The following CCDC30 variants were observed in gnomAD, a reference collection of about 807,000 sequenced individuals.
CCDC30 encodes the protein coiled-coil domain containing 30, also known as coiled-coil domain-containing protein 30.
CCDC30 carries 70 observed loss-of-function variants against 100.2 expected under a neutral mutation model. The ratio of observed to expected loss-of-function variants is 0.70; its 90% CI spans 0.58 to 0.85. CCDC30 has a LOEUF of 0.85. CCDC30 is among the 40% of genes least tolerant of loss of function. The pLI is 0.00. For synonymous variants in CCDC30, 233 were observed against 269.5 expected, an observed-to-expected ratio of 0.86 and a Z score of 1.33; for missense variants, 652 against 771.2, an observed-to-expected ratio of 0.85 and a Z score of 1.83.
chr1:42,464,645 G>A (rs993511683), intron 1 of CCDC30, among the ~76,000 whole-genome samples: 3 of 152,216 alleles, frequency 2.0e-5, no homozygotes, highest in Non-Finnish European at 2.9e-5. Context: ...TATGGCATAA[G>A]ATTAATTTAG....
At chr1:42,573,072 T>C (rs1462832311) in intron 7 of CCDC30, among the ~76,000 whole-genome samples, 1 of 152,242 alleles carries the variant, frequency 6.6e-6, no homozygotes, top group African/African-American at 2.4e-5. Flanking sequence ...TTCTGGGATA[T>C]CTGGGCTATT....
At chr1:42,539,268 A>T (rs769464479) in intron 6 of CCDC30, 25 of 1,608,312 alleles carry the variant, frequency 1.6e-5, no homozygotes, top group Non-Finnish European at 2.0e-5. Flanking sequence ...TTTTAATAGC[A>T]TGTGACCTGT....
intron 6 of CCDC30, among the ~76,000 whole-genome samples, chr1:42,513,335 G>A (rs1226484730): frequency 2.0e-5 from 3 of 152,164 alleles, no homozygotes; most frequent in East Asian, 3.8e-4. Context: ...TTTATGTAGG[G>A]CCAACAGATT....
At chr1:42,593,284 A>C (rs1056475852) in intron 10 of CCDC30, 1 of 152,188 alleles carries the variant, frequency 6.6e-6, no homozygotes, top group Non-Finnish European at 1.5e-5. Flanking sequence ...AATTCAGGAA[A>C]ACAGTTTGCT....
At chr1:42,537,532 G>T in intron 6 of CCDC30, 1 of 335,802 alleles carries the variant, frequency 3.0e-6, no homozygotes, top group Non-Finnish European at 5.8e-6. Flanking sequence ...AAGGCTTTGG[G>T]AAAATACCAA....
intron 10 of CCDC30, among the ~76,000 whole-genome samples, chr1:42,607,555 TAAAA>T (rs60204912): frequency 3.3e-5 from 3 of 89,788 alleles, no homozygotes; most frequent in South Asian, 2.9e-4. Flanking sequence ...CTTGTCTCTA[TAAAA>T]AAAAAAAAAA....
chr1:42,516,466 C>G (rs2148497324), intron 6 of CCDC30, among the ~76,000 whole-genome samples: 1 of 150,342 alleles, frequency 6.7e-6, no homozygotes, highest in African/African-American at 2.4e-5. Flanking sequence ...CCTCGGGAGG[C>G]TGAGGCAAGA....
chr1:42,566,841 C>T (rs1570088530), intron 7 of CCDC30, among the ~76,000 whole-genome samples: 1 of 152,102 alleles, frequency 6.6e-6, no homozygotes, highest in South Asian at 2.1e-4. Context: ...TCAACTGCAC[C>T]AAGGTACAAT....
chr1:42,481,357 C>T (rs1643954409), intron 2 of CCDC30, among the ~76,000 whole-genome samples: 1 of 151,964 alleles, frequency 6.6e-6, no homozygotes, highest in Non-Finnish European at 1.5e-5. Context: ...AGACAGATCG[C>T]CTGAGGTCAG....
At chr1:42,570,323 C>T (rs1570101867) in intron 7 of CCDC30, among the ~76,000 whole-genome samples, 3 of 148,904 alleles carry the variant, frequency 2.0e-5, no homozygotes, top group Non-Finnish European at 4.5e-5. Context: ...GAGGCCCTGT[C>T]TCAAAAAAAA....
intron 6 of CCDC30, among the ~76,000 whole-genome samples, chr1:42,510,611 C>A (rs570054187): frequency 2.0e-5 from 3 of 150,976 alleles, no homozygotes; most frequent in African/African-American, 7.3e-5. Flanking sequence ...GAGGTGAGAT[C>A]GCGCCACTGC....
At chr1:42,568,899 G>A (rs1377746965) in intron 7 of CCDC30, 1 of 150,720 alleles carries the variant, frequency 6.6e-6, no homozygotes, top group East Asian at 1.9e-4. Context: ...GCCATGATCG[G>A]GCCACTGCAA....
At chr1:42,457,160 ATC>A in the CCDC30 span, 6 of 1,597,330 alleles carry the variant, frequency 3.8e-6, no homozygotes, top group Non-Finnish European at 5.1e-6. Flanking sequence ...TTACCCACGG[ATC>A]TCAGCTGGGG....
Position 42,556,231 on chromosome 1 carries a change from G to T in CCDC30, c.457-10065G>T, listed in dbSNP as rs1286327244. The T allele has an allele frequency of 4.3e-6, 7 of 1,613,988 alleles. 1 individual carries two copies. Among genetic ancestry groups the T allele is most frequent in the South Asian group, 2.2e-5 (2 of 91,082 alleles). Reference sequence around the variant, plus strand: ...AGGAGGGCAGTTTTCCAAGAGAGGGGCAGAAGGAGGAGGGCTCACAACAGA... The same window carrying T: ...AGGAGGGCAGTTTTCCAAGAGAGGGTCAGAAGGAGGAGGGCTCACAACAGA... On this transcript the variant is annotated intron_variant, in intron 6 of 16. Transcript: ENST00000668663.
intron 10 of CCDC30, among the ~76,000 whole-genome samples, chr1:42,603,134 G>T (rs535540471): frequency 3.9e-5 from 6 of 152,304 alleles, no homozygotes; most frequent in African/African-American, 1.4e-4. Context: ...AGTCCTAGAG[G>T]TTGGGAAGTC....
At chr1:42,482,913 A>G (rs1050972162) in intron 3 of CCDC30, 97 bp downstream of exon 3, 1 of 859,632 alleles carries the variant, frequency 1.2e-6, no homozygotes, top group Admixed American at 4.3e-5. Flanking sequence ...ACACTGAGAA[A>G]CAAGTCTTTA....
At chr1:42,620,346 C>T (rs1646806986) in intron 11 of CCDC30, among the ~76,000 whole-genome samples, 1 of 152,066 alleles carries the variant, frequency 6.6e-6, no homozygotes, top group African/African-American at 2.4e-5. Flanking sequence ...CACGTTTTGA[C>T]CTGTGTAATA....
At chr1:42,642,473 G>A (rs1647535294) in exon 13 of CCDC30, 1 of 1,553,724 alleles carries the variant, frequency 6.4e-7, no homozygotes, top group Non-Finnish European at 8.7e-7. Context: ...TAATCCCTAG[G>A]AGAAGGCAAT....
At chr1:42,507,736 A>G (rs1644417390) in intron 6 of CCDC30, among the ~76,000 whole-genome samples, 1 of 152,062 alleles carries the variant, frequency 6.6e-6, no homozygotes, top group African/African-American at 2.4e-5. Context: ...TTTTTCCAGC[A>G]TAGTTAGGGG....
Sources: allele counts gnomAD v4.1 joint callset (sites outside exome capture counted in the v4.1 genomes callset), GRCh38; gene constraint gnomAD v4.1.1; transcripts MANE v1.5; gene names NCBI Gene and HGNC (gene_info 2026-07-23, HGNC 2026-07-21).